Variants in SPRED1 observed in about 807,000 individuals in gnomAD.
The protein encoded by SPRED1 is sprouty related EVH1 domain containing 1.
SPRED1 carries 18 observed loss-of-function variants against 52.3 expected under a neutral mutation model. The ratio of observed to expected loss-of-function variants is 0.34; its 90% CI spans 0.24 to 0.51. SPRED1 has a LOEUF of 0.51. Among genes scored for constraint, SPRED1 ranks in the 20% least tolerant of loss-of-function variants. The pLI is 0.97. For missense variants in SPRED1, 485 were observed against 551.0 expected (o/e 0.88, Z 1.20); for synonymous variants, 155 against 179.7 (o/e 0.86, Z 1.10).
chr15:38,311,785 A>T (rs1325453139), intron 2 of SPRED1, among the ~76,000 whole-genome samples: 1 of 152,048 alleles, frequency 6.6e-6, no homozygotes, highest in South Asian at 2.1e-4. Context: ...CCTGTAATGG[A>T]TTTGTGGCTT....
chr15:38,274,473 T>C (rs902604810), intron 1 of SPRED1, among the ~76,000 whole-genome samples: 1 of 152,230 alleles, frequency 6.6e-6, no homozygotes, highest in Admixed American at 6.5e-5. Flanking sequence ...TACATATATA[T>C]TTATTCTCAC....
chr15:38,334,104 A>ATTATT (rs1164935188), intron 4 of SPRED1, among the ~76,000 whole-genome samples: 1 of 152,094 alleles, frequency 6.6e-6, no homozygotes, highest in East Asian at 1.9e-4. Context: ...GGTCAAAATG[A>ATTATT]CTGATTATTG....
chr15:38,293,556 CTG>C (rs1027533316), intron 1 of SPRED1, among the ~76,000 whole-genome samples: 127 of 152,296 alleles, frequency 8.3e-4, no homozygotes, highest in African/African-American at 3.0e-3. Context: ...CAGCTCTTCT[CTG>C]TAAGATGAAG....
chr15:38,264,299 C>T (rs1231483128), intron 1 of SPRED1, among the ~76,000 whole-genome samples: 3 of 152,208 alleles, frequency 2.0e-5, no homozygotes, highest in South Asian at 2.1e-4. Flanking sequence ...TTATACCACA[C>T]TGTACGTCAT....
At chr15:38,328,531 ATCTT>A (rs1595750025) in intron 4 of SPRED1, among the ~76,000 whole-genome samples, 2 of 152,200 alleles carry the variant, frequency 1.3e-5, no homozygotes, top group African/African-American at 4.8e-5. Context: ...TTAAAATCCT[ATCTT>A]TCTTATCTTT....
intron 1 of SPRED1, among the ~76,000 whole-genome samples, chr15:38,272,477 C>G (rs1053115566): frequency 1.3e-5 from 2 of 152,086 alleles, no homozygotes; most frequent in African/African-American, 4.8e-5. Context: ...ACCATGTTGG[C>G]TAGGCTGGTC....
rs1888469213 is a variant in SPRED1, at chr15:38,350,946, C to A, written c.685-68C>A. The A allele has an allele frequency of 2.1e-6, 3 of 1,456,138 alleles. No individual in the cohort carries two copies. The African/African-American group carries it at 4.2e-5, about 20-fold the overall frequency. 90.2% of individuals were successfully genotyped at this position (1,456,138 alleles called of 1,614,324 possible). On this transcript the variant is annotated intron_variant, in intron 6 of 6. Coordinates refer to ENST00000299084, the MANE Select transcript of SPRED1 (RefSeq NM_152594.3). ...TTCAACAAATATCTGGACACTGGCC[C>A]CACCAAGGTGACACGTAAAATTAAC...
At position 38,290,107 on chromosome 15, in the gene SPRED1, A is replaced by T. The variant is rs186113335; in HGVS notation, c.33-9266A>T. Among the ~76,000 whole-genome samples the T allele has an allele frequency of 8.3e-3, 1,267 of 152,196 alleles. 16 individuals are homozygous for T. The highest frequency in any genetic ancestry group is 0.029 in the African/African-American group (1,194 of 41,502). On this transcript the variant is annotated intron_variant, in intron 1 of 6. Coordinates refer to ENST00000299084, the MANE Select transcript of SPRED1 (RefSeq NM_152594.3). The stretch of plus-strand genomic sequence containing the variant: ...ATAGGATGATTTTAAAGTTTTTCAT[A>T]TTTTACTCTAATGCTTTTATCTCAT...
At chr15:38,290,517 T>C (rs1566856788) in intron 1 of SPRED1, among the ~76,000 whole-genome samples, 3 of 152,206 alleles carry the variant, frequency 2.0e-5, no homozygotes, top group Non-Finnish European at 2.9e-5. Context: ...AGATGACTGA[T>C]ATTTGATACT....
At chr15:38,292,325 A>G (rs1894941355) in intron 1 of SPRED1, among the ~76,000 whole-genome samples, 1 of 152,028 alleles carries the variant, frequency 6.6e-6, no homozygotes, top group African/African-American at 2.4e-5. Context: ...AGTCTTCCAA[A>G]TTGTTCCAAA....
chr15:38,343,760 T>C (rs7166521), intron 5 of SPRED1, among the ~76,000 whole-genome samples: 125,208 of 152,004 alleles, frequency 0.82, 52,368 homozygotes, highest in Non-Finnish European at 0.9. Flanking sequence ...ATCATTATTA[T>C]TAATGTTTAT....
intron 1 of SPRED1, among the ~76,000 whole-genome samples, chr15:38,276,868 T>C (rs187831162): frequency 3.3e-4 from 50 of 152,322 alleles, no homozygotes; most frequent in Middle Eastern, 3.4e-3. Context: ...AGTATCATTT[T>C]ACTAACTTAT....
At chr15:38,309,904 T>C (rs1895326474) in intron 2 of SPRED1, among the ~76,000 whole-genome samples, 1 of 152,010 alleles carries the variant, frequency 6.6e-6, no homozygotes, top group African/African-American at 2.4e-5. Context: ...GTAAGCATAT[T>C]TGTGTTCTTT....
intron 1 of SPRED1, among the ~76,000 whole-genome samples, chr15:38,263,504 A>C (rs1195018708): frequency 6.6e-6 from 1 of 152,246 alleles, no homozygotes; most frequent in Non-Finnish European, 1.5e-5. Context: ...AGAAGAAAGA[A>C]GAGACGCCAA....
rs528822175 is a variant in SPRED1, at chr15:38,355,454, T to C, written c.*3790T>C. 1 of 152,400 alleles carries C rather than the reference T, an allele frequency of 6.6e-6. No individual in the cohort carries two copies. Among genetic ancestry groups the C allele is most frequent in the African/African-American group, 2.4e-5 (1 of 41,580 alleles). The allele number at this position is 152,400 out of a possible 1,614,324, so 9.4% of individuals were successfully genotyped here. A position where few individuals can be genotyped will look rare whatever the true frequency, so the allele number is the denominator to read the frequency against. Reference sequence around the variant, plus strand: ...TTTTTCTTTTCTTTTTCCTCTCCCCTGCCCCCTTAATTAAATGGCACGGAA... The same window carrying C: ...TTTTTCTTTTCTTTTTCCTCTCCCCCGCCCCCTTAATTAAATGGCACGGAA... On this transcript the variant is annotated 3_prime_UTR_variant, in exon 7 of 7. Transcript: ENST00000299084.
chr15:38,299,618 C>T, intron 2 of SPRED1, 71 bp downstream of exon 2: 1 of 1,467,448 alleles, frequency 6.8e-7, no homozygotes, highest in Non-Finnish European at 9.4e-7. Flanking sequence ...GATTAGTATA[C>T]TGTTGTGAGT....
At chr15:38,315,267 G>T (rs1034801299) in intron 2 of SPRED1, among the ~76,000 whole-genome samples, 1 of 151,786 alleles carries the variant, frequency 6.6e-6, no homozygotes, top group African/African-American at 2.4e-5. Flanking sequence ...TTTTATGTCT[G>T]GTTACCAAGC....
intron 4 of SPRED1, among the ~76,000 whole-genome samples, chr15:38,327,107 A>G (rs186671046): frequency 6.6e-6 from 1 of 152,242 alleles, no homozygotes; most frequent in East Asian, 1.9e-4. Flanking sequence ...GAGAGAAGCA[A>G]TATATATTCA....
At chr15:38,303,428 T>A (rs1405245818) in intron 2 of SPRED1, among the ~76,000 whole-genome samples, 2 of 152,212 alleles carry the variant, frequency 1.3e-5, no homozygotes, top group African/African-American at 4.8e-5. Flanking sequence ...GTAGGACACT[T>A]CTGTCTTACA....
Sources: gnomAD v4.1 joint callset for allele counts (sites outside exome capture counted in the v4.1 genomes callset) on GRCh38, gnomAD v4.1.1 for gene constraint, MANE v1.5 for transcripts, NCBI Gene and HGNC (gene_info 2026-07-23, HGNC 2026-07-21) for gene names.